ZBTB38: variants seen among roughly 807,000 people sequenced by gnomAD.
ZBTB38 encodes the protein zinc finger and BTB domain containing 38.
Under a neutral mutation model 76.8 loss-of-function variants are expected in ZBTB38, and 20 were observed. The observed-to-expected ratio is 0.26, with a 90% CI of 0.18 to 0.38. ZBTB38 has a LOEUF of 0.38. ZBTB38 is among the 10% of genes least tolerant of loss of function. The pLI, the probability that ZBTB38 is intolerant of heterozygous loss-of-function variation, is 1.00. For missense variants in ZBTB38, 1,082 were observed against 1,482.3 expected (o/e 0.73, Z 4.43); for synonymous variants, 504 against 544.2 (o/e 0.93, Z 1.03).
At chr3:141,335,461 A>G (rs1213714473) in intron 1 of ZBTB38, among the ~76,000 whole-genome samples, 2 of 152,214 alleles carry the variant, frequency 1.3e-5, no homozygotes, top group African/African-American at 4.8e-5. Context: ...CTGGGCTTAG[A>G]TGGCTGGAAA....
intron 1 of ZBTB38, among the ~76,000 whole-genome samples, chr3:141,348,809 T>C (rs1943438172): frequency 6.6e-6 from 1 of 152,094 alleles, no homozygotes; most frequent in Non-Finnish European, 1.5e-5. Context: ...GTAATGGCAT[T>C]TAAAAAGTGA....
At chr3:141,342,725 CT>C (rs60578286) in intron 1 of ZBTB38, among the ~76,000 whole-genome samples, 11,185 of 108,748 alleles carry the variant, frequency 0.1, 1,250 homozygotes, top group African/African-American at 0.27. Flanking sequence ...GTCCCATGAT[CT>C]TTTTTTTTTT....
At chr3:141,333,697 T>G (rs1475439836) in intron 1 of ZBTB38, among the ~76,000 whole-genome samples, 1 of 150,936 alleles carries the variant, frequency 6.6e-6, no homozygotes, top group East Asian at 2.0e-4. Flanking sequence ...ATTGACCCCT[T>G]GCCTAGCACC....
Position 141,445,730 on chromosome 3 carries a change from G to C in ZBTB38, c.3342G>C (p.Gln1114His). The change falls in exon 6 of 6, where the codon CAG (glutamine) becomes CAC (histidine). Residue 1114 changes from glutamine (Q) to histidine (H), a missense_variant. This residue lies in a region of ZBTB38 where 69 missense variants were observed against 148.2 expected (regional missense o/e 0.47). Coordinates refer to ENST00000321464, the MANE Select transcript of ZBTB38 (RefSeq NM_001376113.1). This position sits in a 1 kb window ranked among gnomAD's most constrained non-coding sequence, Gnocchi z 6.5. ...LYLSTKRNHE[Q>H]RHIREHNGKG... ...TCTCCACCAAAAGGAATCACGAGCA[G>C]AGGCATATTCGGGAGCATAATGGGA... 6.2e-7 allele frequency: 1 copy of C among 1,614,204 alleles called. No homozygotes were observed. The highest frequency in any genetic ancestry group is 1.1e-5 in the South Asian group (1 of 91,084).
At chr3:141,375,986 A>G (rs1011742301) in intron 2 of ZBTB38, among the ~76,000 whole-genome samples, 2 of 152,208 alleles carry the variant, frequency 1.3e-5, no homozygotes, top group Non-Finnish European at 2.9e-5. Context: ...GGAAAAAACA[A>G]TTATAGCAAC....
rs773656539 is a variant in ZBTB38, at chr3:141,443,722, C to G, written c.1334C>G (p.Pro445Arg). Residue 445 changes from proline to arginine, a missense_variant, in exon 6 of 6, where the codon CCA becomes CGA. Physicochemically the swap from Pro to Arg is moderately radical, Grantham distance 103. This residue lies in a region of ZBTB38 where 324 missense variants were observed against 359.1 expected (regional missense o/e 0.90). Transcript: ENST00000321464. This position sits in a 1 kb window ranked among gnomAD's most constrained non-coding sequence, Gnocchi z 5.6. Reference sequence around the variant, plus strand: ...TTTTCCAGTACCGGAAGTACTTTGCCAGACACGGACCACATGGTTAAATTT... The same window carrying G: ...TTTTCCAGTACCGGAAGTACTTTGCGAGACACGGACCACATGGTTAAATTT... ...GEFSSTGSTL[P>R]DTDHMVKFVN... 3 of 1,613,834 alleles carry G rather than the reference C, an allele frequency of 1.9e-6. No homozygotes were observed. Among genetic ancestry groups the G allele is most frequent in the Admixed American group, 3.3e-5 (2 of 60,006 alleles).
intron 5 of ZBTB38, among the ~76,000 whole-genome samples, chr3:141,436,827 TC>T (rs568279856): frequency 6.6e-6 from 1 of 152,166 alleles, no homozygotes; most frequent in Non-Finnish European, 1.5e-5. Flanking sequence ...TTAGAGTTTT[TC>T]AACATGGTTA....
chr3:141,413,252 A>AGCCG lies in ZBTB38; in HGVS notation c.-1+9226_-1+9229dup. Among the ~76,000 whole-genome samples, 1 of 152,202 alleles carries AGCCG rather than the reference A, an allele frequency of 6.6e-6. No individual in the cohort carries two copies. The highest frequency in any genetic ancestry group is 2.4e-5 in the African/African-American group (1 of 41,454). ...AGTGGGGAGGAGGTGGGGAAGACCCAGCCGGCCGAGAGCCTCAGCCACCTT... is the reference window on the plus strand; with the variant it reads ...AGTGGGGAGGAGGTGGGGAAGACCCAGCCGGCCGGCCGAGAGCCTCAGCCACCTT... On this transcript the variant is annotated intron_variant, in intron 5 of 5. Transcript: ENST00000321464. This position sits in a 1 kb window ranked among gnomAD's most constrained non-coding sequence, Gnocchi z 4.1.
chr3:141,361,723 T>G (rs1943831821), intron 1 of ZBTB38, among the ~76,000 whole-genome samples: 1 of 152,212 alleles, frequency 6.6e-6, no homozygotes, highest in African/African-American at 2.4e-5. Flanking sequence ...AAGTTACTCC[T>G]TCTCCAAGTG....
At chr3:141,398,058 T>C (rs978108478) in intron 4 of ZBTB38, among the ~76,000 whole-genome samples, 3 of 152,246 alleles carry the variant, frequency 2.0e-5, no homozygotes, top group Non-Finnish European at 2.9e-5. Flanking sequence ...AAACGAGCTA[T>C]GTTTATATTC....
At chr3:141,436,117 C>G (rs2078724272) in intron 5 of ZBTB38, among the ~76,000 whole-genome samples, 1 of 152,138 alleles carries the variant, frequency 6.6e-6, no homozygotes, top group African/African-American at 2.4e-5. Context: ...TTAAGTTACT[C>G]TTTATGAAGA....
intron 2 of ZBTB38, among the ~76,000 whole-genome samples, chr3:141,378,805 G>A (rs961204169): frequency 1.3e-5 from 2 of 152,192 alleles, no homozygotes; most frequent in Non-Finnish European, 2.9e-5. Context: ...GAATGTGAAT[G>A]TGCCCCATTT....
chr3:141,352,395 G>C (rs1252549280), intron 1 of ZBTB38, among the ~76,000 whole-genome samples: 3 of 152,036 alleles, frequency 2.0e-5, no homozygotes, highest in African/African-American at 7.3e-5. Context: ...TGAACTCTCA[G>C]AATCAGAATG....
At chr3:141,338,482 T>G (rs1943078773) in intron 1 of ZBTB38, among the ~76,000 whole-genome samples, 1 of 152,200 alleles carries the variant, frequency 6.6e-6, no homozygotes, top group Non-Finnish European at 1.5e-5. Context: ...AATGAGATCA[T>G]GCCCTCTGCA....
Position 141,339,942 on chromosome 3 carries a change from C to T in ZBTB38, c.-739+15486C>T, listed in dbSNP as rs1028493751. Among the ~76,000 whole-genome samples, 9 of 152,210 alleles carry T rather than the reference C, an allele frequency of 5.9e-5. No homozygotes were observed. The East Asian group carries it at 1.7e-3, about 29-fold the overall frequency. On this transcript the variant is annotated intron_variant, in intron 1 of 7. Coordinates refer to the ZBTB38 transcript ENST00000509842. ...ATGGGAATTAAGTAAAACTATTTTG[C>T]TTATTACTTATTATGGGTAGGTCAC...
chr3:141,383,838 T>C (rs1213864331), intron 3 of ZBTB38: 1 of 152,230 alleles, frequency 6.6e-6, no homozygotes, highest in African/African-American at 2.4e-5. Flanking sequence ...CAGGCTAAAA[T>C]GTTCACTGTG....
At chr3:141,338,207 TC>T (rs1943071389) in intron 1 of ZBTB38, among the ~76,000 whole-genome samples, 1 of 152,214 alleles carries the variant, frequency 6.6e-6, no homozygotes, top group Admixed American at 6.5e-5. Context: ...GTAAACTAGT[TC>T]ATCTGCTGTG....
At chr3:141,360,285 C>T (rs1206886432) in intron 1 of ZBTB38, among the ~76,000 whole-genome samples, 2 of 152,200 alleles carry the variant, frequency 1.3e-5, no homozygotes, top group Non-Finnish European at 2.9e-5. Flanking sequence ...TTGACTCTAA[C>T]TCCTGTATGA....
Position 141,444,976 on chromosome 3 carries a change from G to A in ZBTB38, c.2588G>A (p.Gly863Glu). 10 of 1,614,126 alleles carry A rather than the reference G, an allele frequency of 6.2e-6. No individual in the cohort carries two copies. The highest frequency in any genetic ancestry group is 8.5e-6 in the Non-Finnish European group (10 of 1,180,030). Residue 863 changes from glycine to glutamate, a missense_variant, in exon 6 of 6, where the codon GGG becomes GAG. This residue lies in a region of ZBTB38 where 471 missense variants were observed against 581.0 expected (regional missense o/e 0.81). Coordinates refer to ENST00000321464, the MANE Select transcript of ZBTB38 (RefSeq NM_001376113.1). This position sits in a 1 kb window ranked among gnomAD's most constrained non-coding sequence, Gnocchi z 5.1. The stretch of plus-strand genomic sequence containing the variant: ...GGATCTAAATTGTTTTATAAAAGAG[G>A]GAGAAGACCCAAGTATCAGATGCAG... ...ILGSKLFYKR[G>E]RRPKYQMQEE...
Sources: allele counts gnomAD v4.1 joint callset (sites outside exome capture counted in the v4.1 genomes callset), GRCh38; gene constraint gnomAD v4.1.1; regional missense constraint gnomAD v4.1.1; non-coding constraint Gnocchi (gnomAD v3.1); transcripts MANE v1.5; gene names NCBI Gene and HGNC (gene_info 2026-07-23, HGNC 2026-07-21).